KIAA0825: variants seen among roughly 807,000 people sequenced by gnomAD.
The protein encoded by KIAA0825 is KIAA0825.
A neutral mutation model predicts 147.6 loss-of-function variants in KIAA0825; 119 were observed. That is an observed-to-expected ratio of 0.81 (90% CI 0.69 to 0.94). The LOEUF (loss-of-function observed/expected upper bound fraction) is 0.94, where lower values mean the gene tolerates loss of function less well. Among genes scored for constraint, KIAA0825 ranks in the 40% least tolerant of loss-of-function variants. The pLI is 0.00. For missense variants in KIAA0825, 1,381 were observed against 1,472.7 expected (o/e 0.94, Z 1.02); for synonymous variants, 470 against 518.1 (o/e 0.91, Z 1.26).
At chr5:94,167,019 A>G (rs1307171412) in intron 20 of KIAA0825, among the ~76,000 whole-genome samples, 1 of 152,120 alleles carries the variant, frequency 6.6e-6, no homozygotes, top group Admixed American at 6.5e-5. Flanking sequence ...TACAAACCAG[A>G]ATATTCATCT....
At chr5:94,381,531 G>A (rs1361836798) in intron 20 of KIAA0825, among the ~76,000 whole-genome samples, 2 of 152,266 alleles carry the variant, frequency 1.3e-5, no homozygotes, top group East Asian at 1.9e-4. Flanking sequence ...GATATGCATA[G>A]GTTATATGCA....
Position 94,533,139 on chromosome 5 carries a change from C to T in KIAA0825, c.131+3857G>A, listed in dbSNP as rs577247122. Among the ~76,000 whole-genome samples the T allele has an allele frequency of 4.5e-4, 68 of 151,498 alleles. 1 individual carries two copies. In the South Asian group the frequency reaches 0.01, roughly 23 times the overall value. ...GACTACAGGCGCCCGCCACCACGCC[C>T]GGCTAATTTTTTGTATTTTTAGTAG... On this transcript the variant is annotated intron_variant, in intron 3 of 20. Coordinates refer to ENST00000682413, the MANE Select transcript of KIAA0825 (RefSeq NM_001145678.3).
chr5:94,593,021 T>G lies in KIAA0825; in HGVS notation c.-152-10438A>C. ...AAGCTTCAAAAGCAGAAGATCAGTCTATTAAAAAATGTTGAGTATGTCAGA... is the reference window on the plus strand; with the variant it reads ...AAGCTTCAAAAGCAGAAGATCAGTCGATTAAAAAATGTTGAGTATGTCAGA... On this transcript the variant is annotated intron_variant, in intron 1 of 20. Transcript: ENST00000682413. 4.6e-6 allele frequency: 3 copies of G among 646,798 alleles called. No individual in the cohort carries two copies. The Admixed American group carries it at 6.4e-5, about 14-fold the overall frequency. The allele number at this position is 646,798 out of a possible 1,614,324, so 40.1% of individuals were successfully genotyped here.
chr5:94,179,079 A>G (rs1046768511), intron 20 of KIAA0825, among the ~76,000 whole-genome samples: 1 of 152,148 alleles, frequency 6.6e-6, no homozygotes, highest in African/African-American at 2.4e-5. Flanking sequence ...TTAACAAAGC[A>G]AAAGCATAGG....
chr5:94,306,260 CAAT>C (rs1218114714), intron 20 of KIAA0825, among the ~76,000 whole-genome samples: 1 of 151,740 alleles, frequency 6.6e-6, no homozygotes, highest in African/African-American at 2.4e-5. Flanking sequence ...TTCCCAAAAT[CAAT>C]AATATTTTGC....
At chr5:94,341,371 CA>C (rs1782359164) in intron 20 of KIAA0825, among the ~76,000 whole-genome samples, 1 of 152,174 alleles carries the variant, frequency 6.6e-6, no homozygotes. Context: ...CACATCTATT[CA>C]AAGGTTCTAC....
Position 94,152,840 on chromosome 5 carries a change from AAAAAAAAAAAAAAAATTATATATATATAT to A in KIAA0825, c.*1138_*1166del, listed in dbSNP as rs1766609581. 1 of 33,770 alleles carries A rather than the reference AAAAAAAAAAAAAAAATTATATATATATAT, an allele frequency of 3.0e-5. No homozygotes were observed. Among genetic ancestry groups the A allele is most frequent in the Non-Finnish European group, 5.8e-5 (1 of 17,186 alleles). The allele number at this position is 33,770 out of a possible 1,614,324, so 2.1% of individuals were successfully genotyped here. A position where few individuals can be genotyped will look rare whatever the true frequency, so the allele number is the denominator to read the frequency against. ...TAAAATGAAAAAAAAAAAAAAAAAA[AAAAAAAAAAAAAAAATTATATATATATAT>A]ATATATATATATATATATATATATA... On this transcript the variant is annotated 3_prime_UTR_variant, in exon 21 of 21. Transcript: ENST00000682413.
At chr5:94,593,378 T>C (rs13185256) in intron 1 of KIAA0825, 1 of 1,012,462 alleles carries the variant, frequency 9.9e-7, no homozygotes, top group Non-Finnish European at 1.5e-6. Flanking sequence ...TCTTCTTTAA[T>C]ATCACGACAT....
chr5:94,590,026 G>A (rs529547458), intron 1 of KIAA0825, among the ~76,000 whole-genome samples: 1 of 152,014 alleles, frequency 6.6e-6, no homozygotes, highest in Non-Finnish European at 1.5e-5. Context: ...GTCTCACTCT[G>A]TCACCCAGGC....
chr5:94,155,389 T>C (rs1470468066), intron 20 of KIAA0825, among the ~76,000 whole-genome samples: 1 of 151,448 alleles, frequency 6.6e-6, no homozygotes, highest in African/African-American at 2.4e-5. Context: ...GGCCAATTTT[T>C]TTAATTTTTT....
chr5:94,559,340 T>C (rs1400025495), intron 2 of KIAA0825, among the ~76,000 whole-genome samples: 1 of 152,218 alleles, frequency 6.6e-6, no homozygotes, highest in Non-Finnish European at 1.5e-5. Flanking sequence ...TGTTGATCTT[T>C]ACTATAGATT....
chr5:94,235,526 A>G (rs575683257), intron 20 of KIAA0825, among the ~76,000 whole-genome samples: 1 of 152,352 alleles, frequency 6.6e-6, no homozygotes, highest in East Asian at 1.9e-4. Context: ...TGAAGCAGGA[A>G]GTGCTGATGG....
intron 6 of KIAA0825, among the ~76,000 whole-genome samples, chr5:94,482,758 CA>C (rs1195973320): frequency 6.6e-6 from 1 of 151,688 alleles, no homozygotes; most frequent in Non-Finnish European, 1.5e-5. Context: ...GCTTTGTGAC[CA>C]AAAAAATATG....
chr5:94,393,759 A>C (rs1052203097), intron 17 of KIAA0825, among the ~76,000 whole-genome samples: 1 of 152,208 alleles, frequency 6.6e-6, no homozygotes, highest in Non-Finnish European at 1.5e-5. Flanking sequence ...CTATGAGTAA[A>C]ATGACCACTG....
At chr5:94,246,453 GGTGCGTGT>G (rs1464178999) in intron 20 of KIAA0825, among the ~76,000 whole-genome samples, 1 of 152,050 alleles carries the variant, frequency 6.6e-6, no homozygotes, top group Non-Finnish European at 1.5e-5. Flanking sequence ...AACCAGATAG[GGTGCGTGT>G]GTGCCTTGGG....
chr5:94,578,436 C>T (rs1161762090), intron 2 of KIAA0825, among the ~76,000 whole-genome samples: 1 of 152,154 alleles, frequency 6.6e-6, no homozygotes, highest in East Asian at 1.9e-4. Flanking sequence ...CATTCAAAGA[C>T]AGTGGGATAC....
At chr5:94,336,571 T>A (rs1781820681) in intron 20 of KIAA0825, among the ~76,000 whole-genome samples, 2 of 152,114 alleles carry the variant, frequency 1.3e-5, no homozygotes, top group South Asian at 4.1e-4. Context: ...TTCATCCATG[T>A]CCCTGCAAAG....
chr5:94,332,850 T>C (rs1206002967), intron 20 of KIAA0825, among the ~76,000 whole-genome samples: 2 of 152,200 alleles, frequency 1.3e-5, no homozygotes, highest in African/African-American at 4.8e-5. Context: ...CCACCAACAG[T>C]GTAAAAGCAC....
chr5:94,503,308 T>C (rs1765311348), intron 5 of KIAA0825, among the ~76,000 whole-genome samples: 1 of 152,156 alleles, frequency 6.6e-6, no homozygotes, highest in Admixed American at 6.6e-5. Context: ...AAGCAATCTC[T>C]ATTTTATCAC....
Sources: gnomAD v4.1 joint callset for allele counts (sites outside exome capture counted in the v4.1 genomes callset) on GRCh38, gnomAD v4.1.1 for gene constraint, MANE v1.5 for transcripts, NCBI Gene and HGNC (gene_info 2026-07-23, HGNC 2026-07-21) for gene names.